Variants in AQR observed in about 807,000 individuals in gnomAD.
The protein encoded by AQR is RNA helicase aquarius.
A neutral mutation model predicts 180.5 loss-of-function variants in AQR; 61 were observed. The ratio of observed to expected loss-of-function variants is 0.34; its 90% CI spans 0.28 to 0.42. The LOEUF is 0.42. AQR is among the 10% of genes least tolerant of loss of function. AQR has a pLI of 1.00. For synonymous variants in AQR, 551 were observed against 588.8 expected (o/e 0.94, Z 0.93); for missense variants, 1,281 against 1,798.3 (o/e 0.71, Z 5.20).
intron 32 of AQR, among the ~76,000 whole-genome samples, chr15:34,864,323 C>A (rs1365319578): frequency 1.3e-5 from 2 of 151,990 alleles, no homozygotes; most frequent in African/African-American, 4.8e-5. Flanking sequence ...TCCCCAGCAA[C>A]AAACAAAATT....
chr15:34,930,795 A>C (rs987411505), intron 11 of AQR, among the ~76,000 whole-genome samples: 1 of 145,480 alleles, frequency 6.9e-6, no homozygotes, highest in Non-Finnish European at 1.5e-5. Flanking sequence ...TCATAATTGG[A>C]GATACTTTTT....
rs185230443 is a variant in AQR, at chr15:34,858,880, C to T, written c.4143+1162G>A. ...AGTGGTGCTCAAACAACTGCATATC[C>T]ACAGACAAATGAATAAAACTCAGTC... On this transcript the variant is annotated intron_variant, in intron 34 of 34. Coordinates refer to ENST00000156471, the MANE Select transcript of AQR (RefSeq NM_014691.3). 2.6e-3 allele frequency among the ~76,000 whole-genome samples: 400 copies of T among 152,232 alleles called. 3 individuals carry two copies. Among genetic ancestry groups the T allele is most frequent in the African/African-American group, 9.2e-3 (383 of 41,540 alleles).
Position 34,934,333 on chromosome 15 carries a change from A to C in AQR, c.783+238T>G, listed in dbSNP as rs559643168. ...CCAATATGTATTGTATTATTATATA[A>C]TACATATGTATATAATAAATATATA... On this transcript the variant is annotated intron_variant, in intron 10 of 34. Coordinates refer to ENST00000156471, the MANE Select transcript of AQR (RefSeq NM_014691.3). Among the ~76,000 whole-genome samples the C allele has an allele frequency of 1.3e-4, 20 of 148,298 alleles. 1 individual carries two copies. The highest frequency in any genetic ancestry group is 2.5e-4 in the Non-Finnish European group (17 of 67,262).
Position 34,856,237 on chromosome 15 carries a change from T to C in AQR, c.*555A>G. ...AAGAATAAACAGACATCTTAGGTGA[T>C]TCTAAGGCATTCTAAGATTTGAGAG... On this transcript the variant is annotated 3_prime_UTR_variant, in exon 35 of 35. Coordinates refer to ENST00000156471, the MANE Select transcript of AQR (RefSeq NM_014691.3). The C allele has an allele frequency of 4.0e-6, 1 of 247,626 alleles. No homozygotes were observed. The highest frequency in any genetic ancestry group is 7.6e-6 in the Non-Finnish European group (1 of 131,576). 15.3% of individuals were successfully genotyped at this position (247,626 alleles called of 1,614,324 possible).
intron 1 of AQR, among the ~76,000 whole-genome samples, chr15:34,966,511 C>A (rs1443645119): frequency 6.6e-6 from 1 of 152,170 alleles, no homozygotes; most frequent in Non-Finnish European, 1.5e-5. Flanking sequence ...AAGCACTTCC[C>A]TTATACCCCA....
chr15:34,948,321 T>G lies in AQR; in HGVS notation c.273A>C (p.Leu91Phe). The part of the protein sequence containing the change: ...YSPEVSSKAY[L>F]MSICCMVNEK... ...CATTCACCATACAGCAGATTGACAT[T>G]AAATAGGCCTTGCTAGATACCTCAG... is the stretch of plus-strand genomic sequence containing the variant. Residue 91 changes from leucine (L) to phenylalanine (F), a missense_variant, in exon 5 of 35, where the codon TTA becomes TTC. Physicochemically the swap from Leu to Phe is conservative, Grantham distance 22 (BLOSUM62 0). Coordinates refer to ENST00000156471, the MANE Select transcript of AQR (RefSeq NM_014691.3). 1 of 1,613,618 alleles carries G rather than the reference T, an allele frequency of 6.2e-7. No individual in the cohort carries two copies. Among genetic ancestry groups the G allele is most frequent in the Non-Finnish European group, 8.5e-7 (1 of 1,179,968 alleles).
At chr15:34,928,727 T>A (rs1253709227) in intron 12 of AQR, among the ~76,000 whole-genome samples, 2 of 152,218 alleles carry the variant, frequency 1.3e-5, no homozygotes, top group Non-Finnish European at 2.9e-5. Context: ...CTGGGTCAAA[T>A]GGTATTTCTC....
At chr15:34,945,792 CT>C (rs1894102360) in intron 5 of AQR, among the ~76,000 whole-genome samples, 1 of 152,154 alleles carries the variant, frequency 6.6e-6, no homozygotes, top group Admixed American at 6.5e-5. Context: ...GCATCCATTC[CT>C]TTTTTTCATT....
chr15:34,902,277 C>T (rs1893342877), intron 19 of AQR, among the ~76,000 whole-genome samples: 1 of 151,896 alleles, frequency 6.6e-6, no homozygotes, highest in African/African-American at 2.4e-5. Context: ...CAAGGGTAGA[C>T]AAAGAGGAGG....
At chr15:34,966,521 A>C (rs2050310303) in intron 1 of AQR, among the ~76,000 whole-genome samples, 1 of 152,150 alleles carries the variant, frequency 6.6e-6, no homozygotes, top group South Asian at 2.1e-4. Flanking sequence ...CTTATACCCC[A>C]ATCTGGCATT....
Position 34,860,074 on chromosome 15 carries a change from G to T in AQR, c.4111C>A (p.His1371Asn), listed in dbSNP as rs201619100. ...TAATGATGTGTAGTCTGTATCAAAT[G>T]CATGTACATGTTGTATACAAAGTTT... is the stretch of plus-strand genomic sequence containing the variant. ...MANFVYNMYM[H>N]LIQTTHHYHQ... The change falls in exon 34 of 35, where the codon CAT becomes AAT. Residue 1371 changes from histidine (H) to asparagine (N), a missense_variant. His to Asn is a moderately conservative substitution (Grantham distance 68). Transcript: ENST00000156471. 6.7e-7 allele frequency: 1 copy of T among 1,492,148 alleles called. No individual in the cohort carries two copies. The highest frequency in any genetic ancestry group is 9.0e-7 in the Non-Finnish European group (1 of 1,105,650). 92.4% of individuals were successfully genotyped at this position (1,492,148 alleles called of 1,614,324 possible). A position where few individuals can be genotyped will look rare whatever the true frequency, so the allele number is the denominator to read the frequency against.
chr15:34,870,732 TATTATA>T lies in AQR; in HGVS notation c.3768+14_3768+19del. ...TGCCAAAATGATGAATAAGAGAACA[TATTATA>T]ATTATAAAAGTACCTTGTTTGGTCT... On this transcript the variant is annotated intron_variant, in intron 31 of 34. Coordinates refer to ENST00000156471, the MANE Select transcript of AQR (RefSeq NM_014691.3). 1.9e-6 allele frequency: 3 copies of T among 1,599,106 alleles called. No homozygotes were observed. The highest frequency in any genetic ancestry group is 2.6e-6 in the Non-Finnish European group (3 of 1,172,526).
intron 13 of AQR, among the ~76,000 whole-genome samples, chr15:34,925,194 G>A (rs2140488647): frequency 6.6e-6 from 1 of 152,108 alleles, no homozygotes; most frequent in East Asian, 1.9e-4. Flanking sequence ...GCAATGAAAT[G>A]CAAAATAGCA....
chr15:34,923,523 A>C (rs1411705605), intron 13 of AQR, among the ~76,000 whole-genome samples: 1 of 152,180 alleles, frequency 6.6e-6, no homozygotes, highest in African/African-American at 2.4e-5. Context: ...GCACAAACCC[A>C]CGATCACAAA....
chr15:34,865,848 T>G (rs944093827), intron 32 of AQR, among the ~76,000 whole-genome samples: 2 of 152,120 alleles, frequency 1.3e-5, no homozygotes, highest in Non-Finnish European at 2.9e-5. Context: ...GTGTCCAAAA[T>G]AGGCAAATCT....
At chr15:34,911,937 C>T (rs1282625117) in intron 16 of AQR, among the ~76,000 whole-genome samples, 2 of 151,946 alleles carry the variant, frequency 1.3e-5, no homozygotes, top group Non-Finnish European at 2.9e-5. Flanking sequence ...ACGTTAAAAT[C>T]TTCAATCTAT....
intron 1 of AQR, among the ~76,000 whole-genome samples, chr15:34,968,458 C>A (rs2050324547): frequency 6.6e-6 from 1 of 151,624 alleles, no homozygotes; most frequent in Non-Finnish European, 1.5e-5. Context: ...CGGGGTTTCA[C>A]CGTGTTAGCC....
At chr15:34,919,100 G>A (rs377142739) in intron 14 of AQR, among the ~76,000 whole-genome samples, 11 of 151,918 alleles carry the variant, frequency 7.2e-5, no homozygotes, top group East Asian at 5.8e-4. Context: ...TTAGCTGGGC[G>A]TGGTGGTGCA....
intron 13 of AQR, among the ~76,000 whole-genome samples, chr15:34,924,757 TA>T (rs890411288): frequency 2.0e-5 from 3 of 152,106 alleles, no homozygotes; most frequent in Admixed American, 6.6e-5. Flanking sequence ...AATGAATTAA[TA>T]AATGTTTAAA....
Sources: gnomAD v4.1 joint callset for allele counts (sites outside exome capture counted in the v4.1 genomes callset) on GRCh38, gnomAD v4.1.1 for gene constraint, MANE v1.5 for transcripts, NCBI Gene and HGNC (gene_info 2026-07-23, HGNC 2026-07-21) for gene names.